Variants in BICC1 observed in about 807,000 individuals in gnomAD.
BICC1 encodes the protein BicC family RNA binding protein 1.
BICC1 carries 43 observed loss-of-function variants against 111.0 expected under a neutral mutation model. That is an observed-to-expected ratio of 0.39 (90% confidence interval 0.30 to 0.50). The LOEUF (loss-of-function observed/expected upper bound fraction) is 0.50. Among genes scored for constraint, BICC1 ranks in the 20% least tolerant of loss-of-function variants. BICC1 has a pLI of 0.88. For missense variants in BICC1, 1,091 were observed against 1,203.2 expected (o/e 0.91, Z 1.38); for synonymous variants, 467 against 434.4 (o/e 1.07, Z -0.93).
chr10:58,612,997 T>C lies in BICC1; in HGVS notation c.191-7858T>C, dbSNP rs578194104. Among the ~76,000 whole-genome samples the C allele has an allele frequency of 4.7e-4, 72 of 152,356 alleles. 1 individual carries two copies. Among genetic ancestry groups the C allele is most frequent in the African/African-American group, 1.7e-3 (69 of 41,582 alleles). On this transcript the variant is annotated intron_variant, in intron 1 of 20. Coordinates refer to ENST00000373886, the MANE Select transcript of BICC1 (RefSeq NM_001080512.3). The stretch of plus-strand genomic sequence containing the variant: ...AATAGTTTACACCTGTTTCAACTTT[T>C]GCTGTTTTTATTGGCAGTGGCTTTT...
At chr10:58,764,332 G>A (rs1014734894) in intron 3 of BICC1, among the ~76,000 whole-genome samples, 1 of 152,128 alleles carries the variant, frequency 6.6e-6, no homozygotes, top group African/African-American at 2.4e-5. Flanking sequence ...AGCCATAGAA[G>A]TGGAAACAAA....
At chr10:58,634,409 A>G (rs1837892758) in intron 2 of BICC1, among the ~76,000 whole-genome samples, 1 of 152,192 alleles carries the variant, frequency 6.6e-6, no homozygotes, top group African/African-American at 2.4e-5. Context: ...CACCATTCTT[A>G]ACCCCAGGTA....
chr10:58,558,785 T>A (rs1433163259), intron 1 of BICC1, among the ~76,000 whole-genome samples: 2 of 152,026 alleles, frequency 1.3e-5, no homozygotes, highest in Non-Finnish European at 2.9e-5. Flanking sequence ...GTGCTAACAG[T>A]ATAGGTGTCT....
Position 58,789,825 on chromosome 10 carries a change from A to T in BICC1, c.939A>T (p.Arg313Ser), listed in dbSNP as rs547633665. ...GCAACATCAAACATATCATGCAGAG[A>T]ACAGGTGCTCAGATCCACTTTCCTG... The part of the protein sequence containing the change: ...NGSNIKHIMQ[R>S]TGAQIHFPDP... Residue 313 changes from arginine (R) to serine (S), a missense_variant, in exon 8 of 21, where the codon AGA becomes AGT. This residue lies in a region of BICC1 where 843 missense variants were observed against 900.8 expected (regional missense o/e 0.94). Transcript: ENST00000373886. The T allele has an allele frequency of 1.9e-6, 3 of 1,614,194 alleles. No individual in the cohort carries two copies.
At chr10:58,579,724 C>T (rs532584621) in intron 1 of BICC1, among the ~76,000 whole-genome samples, 4 of 152,160 alleles carry the variant, frequency 2.6e-5, no homozygotes, top group Admixed American at 2.6e-4. Flanking sequence ...AGTACTTCCC[C>T]TACTCAGTTG....
chr10:58,694,369 A>G (rs1035261077), intron 2 of BICC1, among the ~76,000 whole-genome samples: 2 of 152,224 alleles, frequency 1.3e-5, no homozygotes, highest in African/African-American at 2.4e-5. Flanking sequence ...CAGAAGAGAA[A>G]TGTGATTGGT....
intron 1 of BICC1, among the ~76,000 whole-genome samples, chr10:58,542,865 A>G (rs1316870862): frequency 6.6e-6 from 1 of 152,126 alleles, no homozygotes; most frequent in East Asian, 1.9e-4. Flanking sequence ...AACAAACTGA[A>G]AAAAACAAGT....
intron 2 of BICC1, among the ~76,000 whole-genome samples, chr10:58,677,274 T>A (rs1377842913): frequency 6.6e-6 from 1 of 152,204 alleles, no homozygotes; most frequent in African/African-American, 2.4e-5. Context: ...GAGCATGTTC[T>A]AACCCAATGC....
At chr10:58,776,464 C>T (rs1013401957) in intron 3 of BICC1, among the ~76,000 whole-genome samples, 1 of 152,182 alleles carries the variant, frequency 6.6e-6, no homozygotes, top group African/African-American at 2.4e-5. Context: ...CTTAGAAGTT[C>T]TTGCATAACT....
chr10:58,720,746 T>C (rs1428173417), intron 3 of BICC1, among the ~76,000 whole-genome samples: 1 of 152,066 alleles, frequency 6.6e-6, no homozygotes, highest in African/African-American at 2.4e-5. Context: ...AATCCCGGGG[T>C]TCGGGGTGGA....
At chr10:58,809,288 G>A (rs1244751373) in intron 17 of BICC1, among the ~76,000 whole-genome samples, 1 of 151,852 alleles carries the variant, frequency 6.6e-6, no homozygotes, top group Non-Finnish European at 1.5e-5. Context: ...TGCCCGCCTC[G>A]GTGTCCCAGT....
intron 1 of BICC1, among the ~76,000 whole-genome samples, chr10:58,531,786 GA>G (rs1376394519): frequency 4.0e-5 from 6 of 149,906 alleles, no homozygotes; most frequent in African/African-American, 4.9e-5. Flanking sequence ...TAACTGATTT[GA>G]AAAAAAAAAT....
At chr10:58,716,345 A>G in intron 3 of BICC1, 1 of 1,346,392 alleles carries the variant, frequency 7.4e-7, no homozygotes, top group South Asian at 1.4e-5. Flanking sequence ...AGGAAATTTC[A>G]ACTGTGAAAA....
chr10:58,653,817 G>A (rs1303636697), intron 2 of BICC1, among the ~76,000 whole-genome samples: 3 of 137,650 alleles, frequency 2.2e-5, no homozygotes, highest in Non-Finnish European at 4.7e-5. Context: ...ATCTCCCAAT[G>A]CTATCCCTCC....
intron 15 of BICC1, among the ~76,000 whole-genome samples, chr10:58,805,406 G>A (rs1843681368): frequency 6.6e-6 from 1 of 152,170 alleles, no homozygotes; most frequent in African/African-American, 2.4e-5. Flanking sequence ...TAACCAGTAG[G>A]CCCTCAATGA....
At position 58,716,693 on chromosome 10, in the gene BICC1, T is replaced by G. The variant is rs561862773; in HGVS notation, c.307+14550T>G. Among the ~76,000 whole-genome samples, 17 of 151,936 alleles carry G rather than the reference T, an allele frequency of 1.1e-4. 1 individual carries two copies. The highest frequency in any genetic ancestry group is 3.6e-4 in the African/African-American group (15 of 41,218). On this transcript the variant is annotated intron_variant, in intron 3 of 20. Coordinates refer to ENST00000373886, the MANE Select transcript of BICC1 (RefSeq NM_001080512.3). ...TTTGAAGGAGGGATTACATTAATAT[T>G]TCAAAACCCTTACTCTGTAAGATAA...
At position 58,682,725 on chromosome 10, in the gene BICC1, G is replaced by T. The variant is rs186135808; in HGVS notation, c.238-19349G>T. Among the ~76,000 whole-genome samples, 1,217 of 152,268 alleles carry T rather than the reference G, an allele frequency of 8.0e-3. 7 individuals carry two copies. Among genetic ancestry groups the T allele is most frequent in the Non-Finnish European group, 0.012 (784 of 68,034 alleles). On this transcript the variant is annotated intron_variant, in intron 2 of 20. Transcript: ENST00000373886. ...TATCCTTCGCCCACTTTTTGATGGGGTTGTTTGATTTTTTCTTGTAAATTT... is the reference window on the plus strand; with the variant it reads ...TATCCTTCGCCCACTTTTTGATGGGTTTGTTTGATTTTTTCTTGTAAATTT...
chr10:58,663,477 C>T (rs1445796513), intron 2 of BICC1, among the ~76,000 whole-genome samples: 1 of 152,142 alleles, frequency 6.6e-6, no homozygotes, highest in Non-Finnish European at 1.5e-5. Context: ...AATCAGGGGT[C>T]CCCAGCCCCC....
At chr10:58,566,130 C>A (rs1008763127) in intron 1 of BICC1, among the ~76,000 whole-genome samples, 3 of 149,668 alleles carry the variant, frequency 2.0e-5, no homozygotes, top group Non-Finnish European at 4.4e-5. Context: ...CTTTTTATGG[C>A]TGAATACTAA....
Sources: gnomAD v4.1 joint callset for allele counts (sites outside exome capture counted in the v4.1 genomes callset) on GRCh38, gnomAD v4.1.1 for gene constraint, gnomAD v4.1.1 regional missense constraint, MANE v1.5 for transcripts, NCBI Gene and HGNC (gene_info 2026-07-23, HGNC 2026-07-21) for gene names.